The following TENM3 variants were observed in gnomAD, a reference collection of about 807,000 sequenced individuals.
The protein encoded by TENM3 is teneurin transmembrane protein 3, also known as teneurin-3.
TENM3 carries 63 observed loss-of-function variants against 255.1 expected under a neutral mutation model. The observed-to-expected ratio is 0.25, with a 90% CI of 0.20 to 0.30. The LOEUF is 0.30. Ranked by LOEUF, TENM3 falls within the 10% of genes least tolerant of loss-of-function variation. The pLI is 1.00. For missense variants in TENM3, 2,929 were observed against 3,461.1 expected (o/e 0.85, Z 3.86); for synonymous variants, 1,306 against 1,322.3 (o/e 0.99, Z 0.27).
chr4:181,756,592 G>A, the TENM3 span, among the ~76,000 whole-genome samples: 1 of 152,164 alleles, frequency 6.6e-6, no homozygotes, highest in African/African-American at 2.4e-5. Flanking sequence ...CTTGCCTCAT[G>A]ACAGGCTGTG....
Position 182,754,505 on chromosome 4 carries a change from C to T in TENM3, c.4138C>T (p.Arg1380Trp), listed in dbSNP as rs1481061257. Residue 1380 changes from arginine to tryptophan, a missense_variant, in exon 22 of 28, where the codon CGG becomes TGG. By Grantham distance (101) the Arg-to-Trp change is moderately radical. This residue lies in a region of TENM3 where 1,608 missense variants were observed against 1,884.4 expected (regional missense o/e 0.85). Transcript: ENST00000511685. The surrounding 1 kb of genome is among the most constrained non-coding windows in gnomAD (Gnocchi z 5.1). Reference sequence around the variant, plus strand: ...TCGTCAAGTTCGCATTGCTGCTGGACGGCCCATGCACTGTCAGGTTCCCGG... The same window carrying T: ...TCGTCAAGTTCGCATTGCTGCTGGATGGCCCATGCACTGTCAGGTTCCCGG... ...ENRQVRIAAG[R>W]PMHCQVPGVE... is the part of the protein sequence containing the mutation. 6.2e-6 allele frequency: 10 copies of T among 1,613,792 alleles called. No homozygotes were observed. The highest frequency in any genetic ancestry group is 3.3e-5 in the Admixed American group (2 of 59,992).
chr4:182,176,556 T>G (rs1752498550), intron 1 of TENM3, among the ~76,000 whole-genome samples: 1 of 152,214 alleles, frequency 6.6e-6, no homozygotes, highest in African/African-American at 2.4e-5. Flanking sequence ...GAATGACAAA[T>G]TTTAAAATAA....
chr4:181,872,408 A>G, the TENM3 span, among the ~76,000 whole-genome samples: 1 of 151,842 alleles, frequency 6.6e-6, no homozygotes, highest in African/African-American at 2.4e-5. Flanking sequence ...TGTACACGTT[A>G]TTTCATCACC....
At chr4:181,935,057 C>G in the TENM3 span, among the ~76,000 whole-genome samples, 1 of 152,310 alleles carries the variant, frequency 6.6e-6, no homozygotes, top group South Asian at 2.1e-4. Context: ...ACACATGGCT[C>G]ACACATAGTG....
At chr4:181,919,243 C>T in the TENM3 span, among the ~76,000 whole-genome samples, 1 of 152,024 alleles carries the variant, frequency 6.6e-6, no homozygotes, top group African/African-American at 2.4e-5. Flanking sequence ...GTGTCTTTGG[C>T]ATCTCAGGAA....
chr4:181,453,575 A>G, the TENM3 span, among the ~76,000 whole-genome samples: 1 of 151,890 alleles, frequency 6.6e-6, no homozygotes, highest in Non-Finnish European at 1.5e-5. Flanking sequence ...AAAAAAGGTC[A>G]GGGGAGACAT....
At chr4:182,571,393 A>C (rs1323653330) in intron 3 of TENM3, among the ~76,000 whole-genome samples, 5 of 152,202 alleles carry the variant, frequency 3.3e-5, no homozygotes, top group African/African-American at 1.2e-4. Flanking sequence ...GGGCATGGTG[A>C]CATGTGCCTG....
At chr4:182,343,348 C>T (rs112102519) in intron 2 of TENM3, among the ~76,000 whole-genome samples, 1 of 152,170 alleles carries the variant, frequency 6.6e-6, no homozygotes, top group African/African-American at 2.4e-5. Flanking sequence ...GAGATAAATA[C>T]TTATTTTGCC....
chr4:182,436,143 G>A (rs756255828), intron 3 of TENM3, among the ~76,000 whole-genome samples: 3 of 152,274 alleles, frequency 2.0e-5, no homozygotes, highest in Middle Eastern at 6.8e-3. Context: ...TTTAACAGAT[G>A]CCTTTAGGCA....
upstream of TENM3, among the ~76,000 whole-genome samples, chr4:182,241,443 G>A (rs1399472167): frequency 6.8e-6 from 1 of 146,108 alleles, no homozygotes; most frequent in African/African-American, 2.7e-5. Context: ...TGCTTCCTCT[G>A]GATCCTTGGC....
intron 1 of TENM3, among the ~76,000 whole-genome samples, chr4:182,223,701 C>T (rs1183577053): frequency 2.9e-5 from 4 of 138,896 alleles, no homozygotes; most frequent in African/African-American, 1.1e-4. Context: ...CTAGATGTTT[C>T]TGTAATATTG....
chr4:182,779,392 CA>C (rs1274591473), intron 24 of TENM3, among the ~76,000 whole-genome samples: 1 of 152,050 alleles, frequency 6.6e-6, no homozygotes, highest in African/African-American at 2.4e-5. Context: ...ATGAACTCAT[CA>C]TTTTTTATGG....
the TENM3 span, among the ~76,000 whole-genome samples, chr4:181,563,555 A>G: frequency 1.0e-3 from 152 of 152,332 alleles, 1 homozygote; most frequent in East Asian, 0.019. Context: ...AAAACCTTGG[A>G]AGATAGTCTT....
intron 3 of TENM3, among the ~76,000 whole-genome samples, chr4:182,430,286 C>CGCCTGTAAT (rs1404965469): frequency 1.3e-5 from 2 of 152,202 alleles, no homozygotes; most frequent in Non-Finnish European, 2.9e-5. Context: ...CAGTGGCTCA[C>CGCCTGTAAT]GCCTGTAATC....
chr4:181,597,016 T>C, the TENM3 span, among the ~76,000 whole-genome samples: 868 of 152,226 alleles, frequency 5.7e-3, 10 homozygotes, highest in African/African-American at 0.02. Flanking sequence ...GCAAACCCCA[T>C]GATACAAGTT....
chr4:181,492,556 T>C, the TENM3 span, among the ~76,000 whole-genome samples: 1 of 152,240 alleles, frequency 6.6e-6, no homozygotes, highest in Non-Finnish European at 1.5e-5. Context: ...GTGCTTCTTT[T>C]AAAATATTAG....
intron 12 of TENM3, among the ~76,000 whole-genome samples, chr4:182,705,587 C>T (rs1169399973): frequency 1.3e-5 from 2 of 152,166 alleles, no homozygotes; most frequent in East Asian, 1.9e-4. Flanking sequence ...AGCTACCTGA[C>T]GTCTATATAA....
At chr4:182,540,543 C>T (rs748098040) in intron 3 of TENM3, among the ~76,000 whole-genome samples, 4 of 151,980 alleles carry the variant, frequency 2.6e-5, no homozygotes, top group Non-Finnish European at 5.9e-5. Context: ...GCCGAGATCA[C>T]GCCATTGCAC....
chr4:181,467,572 A>G, the TENM3 span, among the ~76,000 whole-genome samples: 1 of 152,196 alleles, frequency 6.6e-6, no homozygotes, highest in Non-Finnish European at 1.5e-5. Context: ...ATAATTAAAT[A>G]GAGTAAAAAA....
Sources: gnomAD v4.1 joint callset for allele counts (sites outside exome capture counted in the v4.1 genomes callset) on GRCh38, gnomAD v4.1.1 for gene constraint, gnomAD v4.1.1 regional missense constraint, Gnocchi (gnomAD v3.1) non-coding constraint, MANE v1.5 for transcripts, NCBI Gene and HGNC (gene_info 2026-07-23, HGNC 2026-07-21) for gene names.